The following SLC9A9 variants were observed in gnomAD, a reference collection of about 807,000 sequenced individuals.
The protein encoded by SLC9A9 is solute carrier family 9 member A9.
Under a neutral mutation model 77.8 loss-of-function variants are expected in SLC9A9, and 62 were observed. The observed-to-expected ratio is 0.80, with a 90% confidence interval of 0.65 to 0.98. The LOEUF (loss-of-function observed/expected upper bound fraction) is 0.98. SLC9A9 is among the 50% of genes least tolerant of loss of function. The probability of loss-of-function intolerance (pLI) is 0.00; values close to 1 mark genes in which losing one functional copy is unlikely to be tolerated. For synonymous variants in SLC9A9, 320 were observed against 283.5 expected (o/e 1.13, Z -1.29); for missense variants, 775 against 774.9 (o/e 1.00, Z 0.00).
chr3:143,494,067 A>T (rs978285202), intron 10 of SLC9A9, among the ~76,000 whole-genome samples: 4 of 152,202 alleles, frequency 2.6e-5, no homozygotes, highest in Admixed American at 2.6e-4. Context: ...GACTATCCTC[A>T]ATTCTGCTGT....
At chr3:143,266,983 A>G in intron 15 of SLC9A9, 54 bp from the exon 16 acceptor site, 1 of 1,550,238 alleles carries the variant, frequency 6.5e-7, no homozygotes, top group Non-Finnish European at 8.9e-7. Context: ...AGAAAACAAT[A>G]GCAGTCCTAC....
chr3:143,473,722 C>A (rs946779135), intron 11 of SLC9A9, among the ~76,000 whole-genome samples: 2 of 152,170 alleles, frequency 1.3e-5, no homozygotes, highest in African/African-American at 4.8e-5. Flanking sequence ...TTCTCCGACT[C>A]CCAATTTTTT....
intron 1 of SLC9A9, among the ~76,000 whole-genome samples, chr3:143,844,170 C>T (rs1407515208): frequency 2.6e-5 from 4 of 152,138 alleles, no homozygotes; most frequent in Non-Finnish European, 5.9e-5. Context: ...TTGGTCTCTA[C>T]AAGTGTTCAT....
intron 5 of SLC9A9, among the ~76,000 whole-genome samples, chr3:143,690,666 C>T (rs1388981624): frequency 2.6e-5 from 4 of 152,070 alleles, no homozygotes; most frequent in Admixed American, 6.6e-5. Context: ...TAGAATGAAA[C>T]GTATCATCTA....
At position 143,351,845 on chromosome 3, in the gene SLC9A9, G is replaced by A. The variant is rs996488777; in HGVS notation, c.1604+11639C>T. ...TAACTTTATGAAGCACTTGATGTTT[G>A]CAAAGTGCCTGTACAATTACCAATT... is the stretch of plus-strand genomic sequence containing the variant. On this transcript the variant is annotated intron_variant, in intron 14 of 15. Transcript: ENST00000316549. Among the ~76,000 whole-genome samples the A allele has an allele frequency of 2.0e-5, 3 of 152,096 alleles. No individual in the cohort carries two copies. In the East Asian group the frequency reaches 5.8e-4, roughly 29 times the overall value.
intron 12 of SLC9A9, among the ~76,000 whole-genome samples, chr3:143,420,737 G>A (rs1282461725): frequency 1.3e-5 from 2 of 152,114 alleles, no homozygotes; most frequent in East Asian, 1.9e-4. Context: ...CTGGGAGCTT[G>A]GTGGTAGCAT....
chr3:143,618,167 T>C (rs931248662), intron 6 of SLC9A9, among the ~76,000 whole-genome samples: 1 of 152,220 alleles, frequency 6.6e-6, no homozygotes, highest in Admixed American at 6.5e-5. Flanking sequence ...AGCATTAATA[T>C]AGACCATTTC....
At chr3:143,788,704 A>T (rs1026289264) in intron 4 of SLC9A9, among the ~76,000 whole-genome samples, 9 of 150,900 alleles carry the variant, frequency 6.0e-5, no homozygotes, top group Non-Finnish European at 1.3e-4. Context: ...AAAAAAAAAA[A>T]AAAAGACATC....
intron 6 of SLC9A9, among the ~76,000 whole-genome samples, chr3:143,634,624 C>T (rs563223234): frequency 6.6e-6 from 1 of 152,104 alleles, no homozygotes; most frequent in African/African-American, 2.4e-5. Context: ...TTGCTTGATA[C>T]TTAGGAGCAT....
At chr3:143,789,393 C>T (rs1397099179) in intron 4 of SLC9A9, among the ~76,000 whole-genome samples, 2 of 152,160 alleles carry the variant, frequency 1.3e-5, no homozygotes, top group Non-Finnish European at 2.9e-5. Context: ...TCAATGCAGA[C>T]TGTCTCCCAT....
Position 143,687,120 on chromosome 3 carries a change from A to G in SLC9A9, c.649+6072T>C, listed in dbSNP as rs551620951. On this transcript the variant is annotated intron_variant, in intron 5 of 15. Transcript: ENST00000316549. ...GATAAAATGAATCAAATTATAGTCA[A>G]ATAATCCCAAATGGAGCTAAATCGA... Among the ~76,000 whole-genome samples, 16 of 152,320 alleles carry G rather than the reference A, an allele frequency of 1.1e-4. No homozygotes were observed. The East Asian group carries it at 1.9e-3, about 18-fold the overall frequency.
chr3:143,308,705 T>C (rs568026569), intron 14 of SLC9A9, among the ~76,000 whole-genome samples: 1 of 152,196 alleles, frequency 6.6e-6, no homozygotes, highest in Non-Finnish European at 1.5e-5. Flanking sequence ...ATGGTGATAA[T>C]AATACCCATA....
chr3:143,535,258 G>C (rs759388974), intron 9 of SLC9A9, among the ~76,000 whole-genome samples: 1 of 152,150 alleles, frequency 6.6e-6, no homozygotes, highest in African/African-American at 2.4e-5. Context: ...TTAAAGACAG[G>C]TTAAAACACT....
chr3:143,733,099 T>A (rs979558596), intron 4 of SLC9A9, among the ~76,000 whole-genome samples: 2 of 152,188 alleles, frequency 1.3e-5, no homozygotes, highest in African/African-American at 4.8e-5. Flanking sequence ...TTTAGTTTCA[T>A]CTCAGGTCAG....
intron 11 of SLC9A9, among the ~76,000 whole-genome samples, chr3:143,477,479 C>T (rs1037710502): frequency 6.6e-6 from 1 of 151,624 alleles, no homozygotes; most frequent in African/African-American, 2.4e-5. Flanking sequence ...GCCAAGACTG[C>T]TGCTCCATGG....
chr3:143,552,863 G>A (rs1019446044), intron 8 of SLC9A9, among the ~76,000 whole-genome samples: 7 of 152,050 alleles, frequency 4.6e-5, no homozygotes, highest in South Asian at 2.1e-4. Flanking sequence ...TTTGCTTTCC[G>A]CTGTATACTT....
chr3:143,350,649 T>G (rs1277536844), intron 14 of SLC9A9, among the ~76,000 whole-genome samples: 1 of 152,212 alleles, frequency 6.6e-6, no homozygotes. Flanking sequence ...CAAAGTGGTT[T>G]CATTCACCTT....
intron 6 of SLC9A9, among the ~76,000 whole-genome samples, chr3:143,632,344 A>G (rs2038441036): frequency 6.6e-6 from 1 of 152,108 alleles, no homozygotes; most frequent in African/African-American, 2.4e-5. Context: ...CAATGAAAAG[A>G]TTCTAATGGA....
At chr3:143,732,981 T>C (rs1934846061) in intron 4 of SLC9A9, among the ~76,000 whole-genome samples, 1 of 152,150 alleles carries the variant, frequency 6.6e-6, no homozygotes, top group Admixed American at 6.5e-5. Flanking sequence ...AAACCATCAA[T>C]GACCTGAACA....
Sources: allele counts gnomAD v4.1 joint callset (sites outside exome capture counted in the v4.1 genomes callset), GRCh38; gene constraint gnomAD v4.1.1; transcripts MANE v1.5; gene names NCBI Gene and HGNC (gene_info 2026-07-23, HGNC 2026-07-21).